The following ADSS1 variants were observed in gnomAD, a reference collection of about 807,000 sequenced individuals.
ADSS1 encodes adenylosuccinate synthetase isozyme 1.
In ADSS1, 57 loss-of-function variants were observed where a neutral mutation model predicts 59.1. The ratio of observed to expected loss-of-function variants is 0.97; its 90% CI spans 0.78 to 1.20. The LOEUF (loss-of-function observed/expected upper bound fraction) is 1.20, where lower values mean the gene tolerates loss of function less well. ADSS1 is among the 50% of genes most tolerant of loss of function. ADSS1 has a pLI of 0.00. For missense variants in ADSS1, 603 were observed against 610.3 expected (o/e 0.99, Z 0.13); for synonymous variants, 247 against 249.4 (o/e 0.99, Z 0.09).
chr14:104,738,211 T>G (rs1891197415), intron 2 of ADSS1, 165 bp from the exon 3 acceptor site: 1 of 546,468 alleles, frequency 1.8e-6, no homozygotes, highest in African/African-American at 1.9e-5. Flanking sequence ...TGGGCCAGGC[T>G]GGTTTCGAAC....
At chr14:104,731,668 C>G (rs976157364) in intron 1 of ADSS1, among the ~76,000 whole-genome samples, 2 of 152,202 alleles carry the variant, frequency 1.3e-5, no homozygotes, top group African/African-American at 4.8e-5. Flanking sequence ...GACCCTGGAG[C>G]TTGGCCTGAG....
In ADSS1 at chr14:104,740,732, C is replaced by G. The variant is rs766327167; in HGVS notation, c.584+24C>G. ...AGGTACCTGAGCCGTCTGCAGTCCC[C>G]GGGGAGGATGGGGAGAAGTTGCCGG... On this transcript the variant is annotated intron_variant, in intron 6 of 12. Transcript: ENST00000330877. This position sits in a 1 kb window ranked among gnomAD's most constrained non-coding sequence, Gnocchi z 4.8. The G allele has an allele frequency of 6.2e-7, 1 of 1,613,400 alleles. No homozygotes were observed. Among genetic ancestry groups the G allele is most frequent in the Non-Finnish European group, 8.5e-7 (1 of 1,179,498 alleles).
At chr14:104,736,844 TAGC>T (rs1158012916) in intron 2 of ADSS1, among the ~76,000 whole-genome samples, 1 of 145,902 alleles carries the variant, frequency 6.9e-6, no homozygotes, top group East Asian at 2.0e-4. Flanking sequence ...GTCTCCCAAG[TAGC>T]CAGGACTACA....
At chr14:104,739,409 C>T in intron 4 of ADSS1, 31 bp downstream of exon 4, 1 of 1,585,274 alleles carries the variant, frequency 6.3e-7, no homozygotes, top group Non-Finnish European at 8.6e-7. Context: ...CAGGGAACAG[C>T]CCCTCCTGCC....
At chr14:104,733,185 A>G (rs900065835) in intron 1 of ADSS1, among the ~76,000 whole-genome samples, 1 of 147,544 alleles carries the variant, frequency 6.8e-6, no homozygotes, top group African/African-American at 2.5e-5. Context: ...GCATCTCTCC[A>G]CCTCCCAGGA....
intron 2 of ADSS1, among the ~76,000 whole-genome samples, chr14:104,736,496 G>A (rs1056128792): frequency 1.3e-5 from 2 of 152,220 alleles, no homozygotes; most frequent in African/African-American, 4.8e-5. Flanking sequence ...TCAGGATGCC[G>A]TGGCATTTGG....
chr14:104,730,005 G>C (rs1023561139), intron 1 of ADSS1: 11 of 1,595,372 alleles, frequency 6.9e-6, no homozygotes, highest in Admixed American at 1.7e-5. Context: ...GCCCTCCCCT[G>C]GCTGCCTCCA....
At chr14:104,743,339 C>T (rs893709821) in intron 10 of ADSS1, 148 bp downstream of exon 10, 6 of 1,227,188 alleles carry the variant, frequency 4.9e-6, no homozygotes, top group Non-Finnish European at 6.8e-6. Flanking sequence ...CAAAGCACGG[C>T]CCAGAGGTTA....
intron 2 of ADSS1, among the ~76,000 whole-genome samples, chr14:104,735,349 G>A (rs1325369895): frequency 1.3e-5 from 2 of 152,192 alleles, no homozygotes; most frequent in African/African-American, 4.8e-5. Flanking sequence ...ATGGGAGGAG[G>A]GGCAGAGTCA....
intron 1 of ADSS1, among the ~76,000 whole-genome samples, chr14:104,731,876 C>T (rs188708200): frequency 6.6e-5 from 10 of 152,274 alleles, no homozygotes; most frequent in Admixed American, 5.9e-4. Context: ...CCCTGAGGGG[C>T]CCCCTGCAGC....
At chr14:104,743,023 G>A in intron 9 of ADSS1, 44 bp from the exon 10 acceptor site, 2 of 1,607,926 alleles carry the variant, frequency 1.2e-6, no homozygotes, top group Non-Finnish European at 1.7e-6. Flanking sequence ...GCTGCACAAG[G>A]CTCCCACGAC....
intron 9 of ADSS1, 95 bp downstream of exon 9, chr14:104,742,097 C>A: frequency 5.3e-6 from 8 of 1,500,368 alleles, no homozygotes; most frequent in Non-Finnish European, 7.2e-6. Context: ...GGAGGCTCTG[C>A]GGACCTTGCC....
intron 1 of ADSS1, among the ~76,000 whole-genome samples, chr14:104,731,816 G>A (rs1427238358): frequency 3.9e-5 from 6 of 152,234 alleles, no homozygotes; most frequent in Non-Finnish European, 7.3e-5. Context: ...GCACTGGGGG[G>A]ATGGTGACAG....
intron 7 of ADSS1, 82 bp downstream of exon 7, chr14:104,741,002 C>A: frequency 1.9e-6 from 3 of 1,607,950 alleles, no homozygotes; most frequent in Non-Finnish European, 2.6e-6. Flanking sequence ...TCGTTGAACA[C>A]CCTTGGGGCA....
At chr14:104,738,819 G>C (rs1189798527) in intron 3 of ADSS1, among the ~76,000 whole-genome samples, 3 of 152,244 alleles carry the variant, frequency 2.0e-5, no homozygotes, top group Non-Finnish European at 4.4e-5. Context: ...AGACCCACCA[G>C]CTGGGGGTGT....
intron 2 of ADSS1, among the ~76,000 whole-genome samples, chr14:104,736,881 G>GATTTTATATATATATATAT (rs1254196679): frequency 1.7e-4 from 18 of 106,600 alleles, no homozygotes; most frequent in African/African-American, 6.4e-4. Flanking sequence ...GCACCTAGCT[G>GATTTTATATATATATATAT]ATATATATAT....
Position 104,734,901 on chromosome 14 carries a change from C to T in ADSS1, c.193-119C>T, listed in dbSNP as rs189245129. The T allele has an allele frequency of 2.0e-5, 16 of 796,916 alleles. No individual in the cohort carries two copies. The East Asian group carries it at 3.8e-4, about 19-fold the overall frequency. 49.4% of individuals were successfully genotyped at this position (796,916 alleles called of 1,614,324 possible). A position where few individuals can be genotyped will look rare whatever the true frequency, so the allele number is the denominator to read the frequency against. ...CATCAGAGCTGGCCACCAAACCAGACACCCCAAAATCCAACAGCAGTGCCC... is the reference window on the plus strand; with the variant it reads ...CATCAGAGCTGGCCACCAAACCAGATACCCCAAAATCCAACAGCAGTGCCC... On this transcript the variant is annotated intron_variant, in intron 1 of 12. Coordinates refer to ENST00000330877, the MANE Select transcript of ADSS1 (RefSeq NM_152328.5).
At chr14:104,745,678 A>G (rs1318034367) in intron 11 of ADSS1, 2 of 152,800 alleles carry the variant, frequency 1.3e-5, no homozygotes, top group African/African-American at 2.4e-5. Context: ...GAGGACTGCA[A>G]GCTCTCCTCA....
At chr14:104,730,002 C>T (rs1262701413) in intron 1 of ADSS1, 3 of 1,595,558 alleles carry the variant, frequency 1.9e-6, no homozygotes, top group Non-Finnish European at 1.7e-6. Context: ...ACAGCCCTCC[C>T]CTGGCTGCCT....
Sources: allele counts gnomAD v4.1 joint callset (sites outside exome capture counted in the v4.1 genomes callset), GRCh38; gene constraint gnomAD v4.1.1; non-coding constraint Gnocchi (gnomAD v3.1); transcripts MANE v1.5; gene names NCBI Gene and HGNC (gene_info 2026-07-23, HGNC 2026-07-21).